The following AP3M1 variants were observed in gnomAD, a reference collection of about 807,000 sequenced individuals.
The protein encoded by AP3M1 is AP-3 complex subunit mu-1.
Under a neutral mutation model 42.6 loss-of-function variants are expected in AP3M1, and 29 were observed. That is an observed-to-expected ratio of 0.68 (90% confidence interval 0.51 to 0.93). The LOEUF (loss-of-function observed/expected upper bound fraction) is 0.93. AP3M1 is among the 40% of genes least tolerant of loss of function. The pLI, the probability that AP3M1 is intolerant of heterozygous loss-of-function variation, is 0.00. For synonymous variants in AP3M1, 178 were observed against 175.3 expected, an observed-to-expected ratio of 1.02 and a Z score of -0.12; for missense variants, 416 against 510.2, an observed-to-expected ratio of 0.82 and a Z score of 1.78.
At chr10:74,136,939 G>T in intron 2 of AP3M1, 136 bp from the exon 3 acceptor site, 2 of 554,522 alleles carry the variant, frequency 3.6e-6, no homozygotes, top group Non-Finnish European at 5.5e-6. Context: ...AAACAGAGCG[G>T]GGGAAAAAAC....
chr10:74,149,531 G>A (rs113327924), intron 1 of AP3M1, among the ~76,000 whole-genome samples: 2,954 of 151,304 alleles, frequency 0.02, 45 homozygotes, highest in Middle Eastern at 0.027. Flanking sequence ...TTTGTGATCC[G>A]CCCGCTTCAG....
chr10:74,136,887 T>A, intron 2 of AP3M1, 84 bp from the exon 3 acceptor site: 3 of 898,184 alleles, frequency 3.3e-6, no homozygotes, highest in Non-Finnish European at 4.7e-6. Context: ...AGAATAAACT[T>A]AGAGTAGCAT....
In AP3M1 at chr10:74,136,698, A is replaced by C. The variant is rs1172960495; in HGVS notation, c.379T>G (p.Ser127Ala). 5 of 1,596,834 alleles carry C rather than the reference A, an allele frequency of 3.1e-6. No homozygotes were observed. In the African/African-American group the frequency reaches 4.0e-5, roughly 13 times the overall value. ...LDNGFPLATE[S>A]NILKELIKPP... ...TTAATCAATTCTTTCAAAATGTTAG[A>C]TTCGGTAGCCAGTGGAAATCCATTG... Residue 127 changes from serine (S) to alanine (A), a missense_variant, in exon 3 of 9, where the codon TCT (serine) becomes GCT (alanine). Physicochemically the swap from Ser to Ala is moderately conservative, Grantham distance 99. Coordinates refer to ENST00000355264, the MANE Select transcript of AP3M1 (RefSeq NM_012095.6).
intron 3 of AP3M1, 46 bp from the exon 4 acceptor site, chr10:74,134,210 C>A: frequency 6.5e-7 from 1 of 1,548,890 alleles, no homozygotes; most frequent in Admixed American, 2.1e-5. Flanking sequence ...ATAAAACAGT[C>A]ATGAGAAAAT....
At chr10:74,133,896 G>T in intron 4 of AP3M1, 131 bp downstream of exon 4, 3 of 1,052,102 alleles carry the variant, frequency 2.9e-6, no homozygotes, top group Non-Finnish European at 2.7e-6. Context: ...CTCATGTTCC[G>T]CCTGCCTTGG....
chr10:74,136,632 C>T lies in AP3M1; in HGVS notation c.445G>A (p.Gly149Ser). Residue 149 changes from glycine to serine, a missense_variant and splice_region_variant, in exon 3 of 9, where the codon GGC (glycine) becomes AGC (serine). Transcript: ENST00000355264. ...ILRSVVNSIT[G>S]SSNVGDTLPT... ...CTAGCACAGTATGTTTTCATCTTAC[C>T]TGTAATAGAGTTGACAACAGAGCGT... 1 of 1,539,036 alleles carries T rather than the reference C, an allele frequency of 6.5e-7. No individual in the cohort carries two copies. The highest frequency in any genetic ancestry group is 8.9e-7 in the Non-Finnish European group (1 of 1,128,644).
At chr10:74,132,680 C>A (rs1192524078) in intron 4 of AP3M1, among the ~76,000 whole-genome samples, 1 of 151,226 alleles carries the variant, frequency 6.6e-6, no homozygotes, top group African/African-American at 2.4e-5. Context: ...CCAATGCACT[C>A]CAGCCTAGGC....
At chr10:74,139,850 T>C (rs1841083369) in intron 1 of AP3M1, among the ~76,000 whole-genome samples, 1 of 142,926 alleles carries the variant, frequency 7.0e-6, no homozygotes, top group Non-Finnish European at 1.5e-5. Flanking sequence ...GAGGTTGCAG[T>C]GAGCCGAGAC....
chr10:74,150,134 C>CTTTA (rs1841504002), intron 1 of AP3M1, among the ~76,000 whole-genome samples: 1 of 152,172 alleles, frequency 6.6e-6, no homozygotes. Context: ...AGTCTTTCTA[C>CTTTA]AATCTCCATG....
chr10:74,141,840 G>C (rs1489910820), intron 1 of AP3M1, among the ~76,000 whole-genome samples: 1 of 148,996 alleles, frequency 6.7e-6, no homozygotes, highest in East Asian at 2.0e-4. Context: ...AGCCTCCCTA[G>C]TAGCTGGGAT....
At chr10:74,148,323 AAGG>A in intron 1 of AP3M1, among the ~76,000 whole-genome samples, 1 of 152,266 alleles carries the variant, frequency 6.6e-6, no homozygotes, top group Non-Finnish European at 1.5e-5. Flanking sequence ...TGCCTTCTCT[AAGG>A]AGAAGGAACA....
At chr10:74,146,318 CA>C (rs1477235469) in intron 1 of AP3M1, among the ~76,000 whole-genome samples, 1 of 152,148 alleles carries the variant, frequency 6.6e-6, no homozygotes, top group African/African-American at 2.4e-5. Flanking sequence ...ATTCTTAGTG[CA>C]ATGTAAAGTC....
chr10:74,147,993 A>C (rs1841384200), intron 1 of AP3M1, among the ~76,000 whole-genome samples: 1 of 151,994 alleles, frequency 6.6e-6, no homozygotes, highest in South Asian at 2.1e-4. Context: ...GCAAGACTCC[A>C]TCTCAGAAAA....
chr10:74,140,893 T>C (rs1183969742), intron 1 of AP3M1, among the ~76,000 whole-genome samples: 1 of 152,126 alleles, frequency 6.6e-6, no homozygotes, highest in African/African-American at 2.4e-5. Context: ...AAAGACCTAA[T>C]TGGAAAAGCC....
intron 1 of AP3M1, among the ~76,000 whole-genome samples, chr10:74,149,412 A>T (rs1218821261): frequency 6.8e-6 from 1 of 146,728 alleles, no homozygotes; most frequent in Non-Finnish European, 1.5e-5. Context: ...GCCTCAGCCT[A>T]CCAAGTAGCT....
At chr10:74,146,207 T>C (rs1841320642) in intron 1 of AP3M1, among the ~76,000 whole-genome samples, 1 of 152,024 alleles carries the variant, frequency 6.6e-6, no homozygotes, top group Non-Finnish European at 1.5e-5. Context: ...TTAGCAAATA[T>C]GGAAGGTGGA....
chr10:74,147,183 G>A (rs576496502), intron 1 of AP3M1, among the ~76,000 whole-genome samples: 1 of 152,294 alleles, frequency 6.6e-6, no homozygotes, highest in East Asian at 1.9e-4. Context: ...TGCTCTGGAG[G>A]CTGAGGCAGG....
chr10:74,129,150 T>C lies in AP3M1; in HGVS notation c.761A>G (p.Asp254Gly). 6.2e-7 allele frequency: 1 copy of C among 1,614,014 alleles called. No homozygotes were observed. The highest frequency in any genetic ancestry group is 8.5e-7 in the Non-Finnish European group (1 of 1,180,014). The change falls in exon 6 of 9, where the codon GAT becomes GGT. Residue 254 changes from aspartate to glycine, a missense_variant. By Grantham distance (94) the Asp-to-Gly change is moderately conservative (BLOSUM62 -1). Coordinates refer to ENST00000355264, the MANE Select transcript of AP3M1 (RefSeq NM_012095.6). Reference sequence around the variant, plus strand: ...GTATGATATGAGTCGGAAATTTCCATCTGGAGGAATAAATGACAAAACTCT... The same window carrying C: ...GTATGATATGAGTCGGAAATTTCCACCTGGAGGAATAAATGACAAAACTCT... The part of the protein sequence containing the change: ...SERVLSFIPP[D>G]GNFRLISYRV...
intron 8 of AP3M1, 25 bp from the exon 9 acceptor site, chr10:74,123,935 A>G (rs1840542873): frequency 6.3e-7 from 1 of 1,577,102 alleles, no homozygotes; most frequent in Non-Finnish European, 8.7e-7. Flanking sequence ...ATGAAAAAGA[A>G]TAAATTATCA....
Sources: gnomAD v4.1 joint callset for allele counts (sites outside exome capture counted in the v4.1 genomes callset) on GRCh38, gnomAD v4.1.1 for gene constraint, MANE v1.5 for transcripts, NCBI Gene and HGNC (gene_info 2026-07-23, HGNC 2026-07-21) for gene names.